The following RALYL variants were observed in gnomAD, a reference collection of about 807,000 sequenced individuals.
RALYL encodes RNA-binding Raly-like protein.
Under a neutral mutation model 35.1 loss-of-function variants are expected in RALYL, and 29 were observed. The ratio of observed to expected loss-of-function variants is 0.83; its 90% confidence interval spans 0.61 to 1.13. RALYL has a LOEUF of 1.13. Ranked by LOEUF, RALYL falls within the 50% of genes most tolerant of loss-of-function variation. RALYL has a pLI of 0.00. For missense variants in RALYL, 359 were observed against 360.4 expected (o/e 1.00, Z 0.03); for synonymous variants, 120 against 127.6 (o/e 0.94, Z 0.40).
intron 1 of RALYL, among the ~76,000 whole-genome samples, chr8:84,447,767 T>G (rs947796329): frequency 1.3e-5 from 2 of 152,096 alleles, no homozygotes; most frequent in African/African-American, 2.4e-5. Context: ...AGTAACGTGG[T>G]ACTTTATTTG....
At chr8:84,572,548 T>C (rs1162122523) in intron 2 of RALYL, among the ~76,000 whole-genome samples, 1 of 151,808 alleles carries the variant, frequency 6.6e-6, no homozygotes, top group Non-Finnish European at 1.5e-5. Context: ...TACAGTGGTA[T>C]TGGCAAAATT....
chr8:84,680,098 G>T (rs527603274), intron 2 of RALYL, among the ~76,000 whole-genome samples: 2 of 152,028 alleles, frequency 1.3e-5, no homozygotes, highest in African/African-American at 2.4e-5. Flanking sequence ...AGAACATGCG[G>T]TGTTTGGTTT....
intron 1 of RALYL, among the ~76,000 whole-genome samples, chr8:84,268,519 G>T (rs1318902659): frequency 6.6e-6 from 1 of 152,070 alleles, no homozygotes; most frequent in Non-Finnish European, 1.5e-5. Flanking sequence ...AGTAATAATT[G>T]CATTATTGTG....
intron 2 of RALYL, among the ~76,000 whole-genome samples, chr8:84,699,523 T>C (rs1041146576): frequency 3.3e-5 from 5 of 152,104 alleles, no homozygotes; most frequent in African/African-American, 1.2e-4. Flanking sequence ...AACTTCTCTT[T>C]GTGTCCTCAG....
intron 1 of RALYL, among the ~76,000 whole-genome samples, chr8:84,235,646 C>A (rs908053247): frequency 1.3e-5 from 2 of 152,114 alleles, no homozygotes; most frequent in African/African-American, 2.4e-5. Context: ...AACCTCAACA[C>A]AGCATTGGAT....
chr8:84,773,472 A>G (rs879516753), intron 2 of RALYL, among the ~76,000 whole-genome samples: 2 of 152,092 alleles, frequency 1.3e-5, no homozygotes, highest in Admixed American at 6.6e-5. Context: ...ACTTTGTTCA[A>G]TCTAGTTATT....
At chr8:84,651,401 A>G (rs1046896621) in intron 2 of RALYL, among the ~76,000 whole-genome samples, 1 of 151,890 alleles carries the variant, frequency 6.6e-6, no homozygotes, top group Non-Finnish European at 1.5e-5. Context: ...TCTAGGCACA[A>G]GCAGTGAAGA....
chr8:84,829,130 T>G (rs888121414), intron 4 of RALYL, among the ~76,000 whole-genome samples: 2 of 152,142 alleles, frequency 1.3e-5, no homozygotes, highest in Non-Finnish European at 2.9e-5. Context: ...ACATCTTATG[T>G]GATGGCAGGC....
chr8:84,200,579 A>G (rs927672579), intron 1 of RALYL, among the ~76,000 whole-genome samples: 19 of 152,164 alleles, frequency 1.2e-4, no homozygotes, highest in Admixed American at 1.2e-3. Flanking sequence ...TTAACTGTTA[A>G]CTAAACCACA....
intron 1 of RALYL, among the ~76,000 whole-genome samples, chr8:84,374,365 T>C (rs1364724868): frequency 6.6e-6 from 1 of 151,926 alleles, no homozygotes; most frequent in Non-Finnish European, 1.5e-5. Context: ...CCTCTTATTA[T>C]TTTGAAATAT....
At chr8:84,642,913 TGG>T (rs1186108989) in intron 2 of RALYL, among the ~76,000 whole-genome samples, 13 of 152,004 alleles carry the variant, frequency 8.6e-5, no homozygotes, top group Admixed American at 5.9e-4. Flanking sequence ...CTACATGGTA[TGG>T]GGTGAATCCC....
intron 1 of RALYL, among the ~76,000 whole-genome samples, chr8:84,208,108 G>A (rs939128600): frequency 2.0e-5 from 3 of 151,912 alleles, no homozygotes; most frequent in African/African-American, 4.8e-5. Flanking sequence ...TTTCTTCATG[G>A]GCTGTTTGGT....
chr8:84,246,407 A>T (rs1829106350), intron 1 of RALYL, among the ~76,000 whole-genome samples: 1 of 152,284 alleles, frequency 6.6e-6, no homozygotes, highest in South Asian at 2.1e-4. Flanking sequence ...TGCAAGGGAG[A>T]TTTTCAAGGA....
At chr8:84,764,480 T>A (rs1330591668) in intron 2 of RALYL, among the ~76,000 whole-genome samples, 2 of 152,186 alleles carry the variant, frequency 1.3e-5, no homozygotes, top group Non-Finnish European at 2.9e-5. Flanking sequence ...CTTCAGTTTC[T>A]ATTAGGGAAA....
chr8:84,596,729 C>T (rs900759700), intron 2 of RALYL, among the ~76,000 whole-genome samples: 3 of 152,072 alleles, frequency 2.0e-5, no homozygotes, highest in African/African-American at 7.2e-5. Flanking sequence ...TCTCAACTCT[C>T]CTGGATAATT....
At chr8:84,511,068 C>A (rs2057576409) in intron 1 of RALYL, among the ~76,000 whole-genome samples, 1 of 152,160 alleles carries the variant, frequency 6.6e-6, no homozygotes, top group Non-Finnish European at 1.5e-5. Context: ...AAACAGCTCT[C>A]CATTTCTATC....
intron 5 of RALYL, among the ~76,000 whole-genome samples, chr8:84,855,068 G>A (rs2134912027): frequency 6.6e-6 from 1 of 152,310 alleles, no homozygotes; most frequent in Middle Eastern, 3.4e-3. Context: ...CTAGATTGGG[G>A]TAATGCTGAA....
chr8:84,673,516 C>A (rs893648373), intron 2 of RALYL, among the ~76,000 whole-genome samples: 1 of 151,766 alleles, frequency 6.6e-6, no homozygotes, highest in Non-Finnish European at 1.5e-5. Context: ...TTTACATTTA[C>A]ATTTTACATT....
chr8:84,279,428 A>C (rs1836098197), intron 1 of RALYL, among the ~76,000 whole-genome samples: 1 of 152,218 alleles, frequency 6.6e-6, no homozygotes, highest in Non-Finnish European at 1.5e-5. Flanking sequence ...TATATTTATG[A>C]GATTCAGAAA....
Sources: gnomAD v4.1 joint callset for allele counts (sites outside exome capture counted in the v4.1 genomes callset) on GRCh38, gnomAD v4.1.1 for gene constraint, MANE v1.5 for transcripts, NCBI Gene and HGNC (gene_info 2026-07-23, HGNC 2026-07-21) for gene names.